The following C8orf34 variants were observed in gnomAD, a reference collection of about 807,000 sequenced individuals.
C8orf34 encodes uncharacterized protein C8orf34.
A neutral mutation model predicts 68.3 loss-of-function variants in C8orf34; 65 were observed. That is an observed-to-expected ratio of 0.95 (90% CI 0.78 to 1.17). The LOEUF is 1.17. Ranked by LOEUF, C8orf34 falls within the 50% of genes most tolerant of loss-of-function variation. The probability of loss-of-function intolerance (pLI) is 0.00; values close to 1 mark genes in which losing one functional copy is unlikely to be tolerated. For missense variants in C8orf34, 664 were observed against 655.4 expected (o/e 1.01, Z -0.14); for synonymous variants, 244 against 241.2 (o/e 1.01, Z -0.11).
chr8:68,406,148 A>G (rs952269858), intron 1 of C8orf34, among the ~76,000 whole-genome samples: 1 of 152,186 alleles, frequency 6.6e-6, no homozygotes, highest in Non-Finnish European at 1.5e-5. Context: ...CTGCAGGGGA[A>G]ACAGAGAGGA....
At chr8:68,483,763 A>G (rs1413662735) in intron 4 of C8orf34, among the ~76,000 whole-genome samples, 2 of 152,220 alleles carry the variant, frequency 1.3e-5, no homozygotes, top group Non-Finnish European at 2.9e-5. Flanking sequence ...GAGGCCATCT[A>G]GATAGGTTTG....
chr8:68,779,869 T>G (rs974272769), intron 11 of C8orf34, among the ~76,000 whole-genome samples: 2 of 152,210 alleles, frequency 1.3e-5, no homozygotes, highest in Admixed American at 1.3e-4. Context: ...AAAATCCTAT[T>G]TTATCATTAA....
At chr8:68,386,764 C>T (rs1170466850) in intron 1 of C8orf34, among the ~76,000 whole-genome samples, 1 of 152,114 alleles carries the variant, frequency 6.6e-6, no homozygotes, top group Non-Finnish European at 1.5e-5. Flanking sequence ...TGCTCAACCT[C>T]AGCTCTGCTG....
chr8:68,669,001 G>A (rs1819927275), intron 8 of C8orf34, among the ~76,000 whole-genome samples: 3 of 152,226 alleles, frequency 2.0e-5, no homozygotes, highest in South Asian at 4.1e-4. Context: ...TAGATGCTAA[G>A]CAGAGAACCT....
chr8:68,456,288 T>C (rs1811550012), intron 3 of C8orf34, among the ~76,000 whole-genome samples: 1 of 151,994 alleles, frequency 6.6e-6, no homozygotes, highest in Non-Finnish European at 1.5e-5. Context: ...TAAAATTTAC[T>C]TAAAATAGCT....
intron 7 of C8orf34, among the ~76,000 whole-genome samples, chr8:68,635,980 C>G (rs1167367138): frequency 6.6e-6 from 1 of 152,082 alleles, no homozygotes; most frequent in Non-Finnish European, 1.5e-5. Flanking sequence ...GGGAGTTAGC[C>G]ACTATCACTT....
intron 7 of C8orf34, among the ~76,000 whole-genome samples, chr8:68,628,298 A>G (rs1406893201): frequency 6.6e-6 from 1 of 152,184 alleles, no homozygotes; most frequent in Admixed American, 6.6e-5. Context: ...GGTACTAAAG[A>G]AGAATGCTGA....
At chr8:68,708,883 A>G in intron 8 of C8orf34, 111 bp from the exon 9 acceptor site, 2 of 744,206 alleles carry the variant, frequency 2.7e-6, no homozygotes, top group Non-Finnish European at 4.6e-6. Flanking sequence ...TTGAACATGC[A>G]TATCTGAGTT....
chr8:68,436,264 A>G (rs1385509448), intron 1 of C8orf34, among the ~76,000 whole-genome samples: 1 of 152,076 alleles, frequency 6.6e-6, no homozygotes, highest in African/African-American at 2.4e-5. Context: ...TCAAAGACTG[A>G]GTGTCTAATC....
chr8:68,656,795 T>C (rs901556335), intron 8 of C8orf34, among the ~76,000 whole-genome samples: 1 of 152,102 alleles, frequency 6.6e-6, no homozygotes, highest in Non-Finnish European at 1.5e-5. Flanking sequence ...TCACCCCAAG[T>C]AGGTTTCTCC....
chr8:68,439,925 G>C (rs2591005), intron 2 of C8orf34, among the ~76,000 whole-genome samples: 139,274 of 152,232 alleles, frequency 0.91, 63,863 homozygotes, highest in South Asian at 0.96. Flanking sequence ...TAAATTCAGA[G>C]TAGTTATCCT....
intron 13 of C8orf34, among the ~76,000 whole-genome samples, chr8:68,816,369 T>C (rs1174075982): frequency 6.6e-6 from 1 of 152,130 alleles, no homozygotes; most frequent in Non-Finnish European, 1.5e-5. Context: ...CAGAACAATT[T>C]CGTGTCCATG....
chr8:68,492,065 ACTC>A (rs1287263690), intron 5 of C8orf34, among the ~76,000 whole-genome samples: 1 of 151,836 alleles, frequency 6.6e-6, no homozygotes, highest in Non-Finnish European at 1.5e-5. Flanking sequence ...ACTTGAGAGA[ACTC>A]CTCAATAAAT....
rs758083467 is a variant in C8orf34 at position 68,775,070 on chromosome 8, G to GGA, written c.1405-1329_1405-1328insGA. Among the ~76,000 whole-genome samples the GGA allele has an allele frequency of 2.3e-4, 29 of 124,264 alleles. No individual in the cohort carries two copies. The South Asian group carries it at 7.3e-3, about 31-fold the overall frequency. 81.5% of individuals were successfully genotyped at this position (124,264 alleles called of 152,430 possible). A position where few individuals can be genotyped will look rare whatever the true frequency, so the allele number is the denominator to read the frequency against. On this transcript the variant is annotated intron_variant, in intron 10 of 13. Coordinates refer to ENST00000518698, the MANE Select transcript of C8orf34 (RefSeq NM_052958.4). The stretch of plus-strand genomic sequence containing the variant: ...GAGGCGGAAGTTGCAGTAAGCCCAG[G>GGA]AAAAAAAAAAAAAAAAGAAGAGTAT...
chr8:68,579,006 T>C (rs1378249882), intron 7 of C8orf34, among the ~76,000 whole-genome samples: 1 of 152,062 alleles, frequency 6.6e-6, no homozygotes, highest in Non-Finnish European at 1.5e-5. Flanking sequence ...TTATCCAAAA[T>C]TGAGTAGAAA....
At chr8:68,402,180 A>C (rs1808988235) in intron 1 of C8orf34, among the ~76,000 whole-genome samples, 1 of 152,012 alleles carries the variant, frequency 6.6e-6, no homozygotes, top group South Asian at 2.1e-4. Flanking sequence ...TGGGTTCTCT[A>C]ATTTGTGAGC....
chr8:68,475,345 C>T (rs1812563455), intron 4 of C8orf34, among the ~76,000 whole-genome samples: 1 of 152,168 alleles, frequency 6.6e-6, no homozygotes, highest in South Asian at 2.1e-4. Flanking sequence ...TTATTTATCT[C>T]CTCTGGACCT....
chr8:68,570,086 A>G (rs559066993), intron 7 of C8orf34, among the ~76,000 whole-genome samples: 3 of 152,194 alleles, frequency 2.0e-5, no homozygotes, highest in Non-Finnish European at 2.9e-5. Context: ...CTGGAAGCCC[A>G]TACTTTTCTA....
intron 8 of C8orf34, among the ~76,000 whole-genome samples, chr8:68,688,080 C>T (rs1343565139): frequency 6.6e-6 from 1 of 151,966 alleles, no homozygotes; most frequent in Non-Finnish European, 1.5e-5. Flanking sequence ...TGATGGGACA[C>T]CACCTTACTC....
Sources: gnomAD v4.1 joint callset for allele counts (sites outside exome capture counted in the v4.1 genomes callset) on GRCh38, gnomAD v4.1.1 for gene constraint, MANE v1.5 for transcripts, NCBI Gene and HGNC (gene_info 2026-07-23, HGNC 2026-07-21) for gene names.